Variants in MAGI2 observed in about 807,000 individuals in gnomAD.
The protein encoded by MAGI2 is membrane associated guanylate kinase, WW and PDZ domain containing 2.
In MAGI2, 35 loss-of-function variants were observed where a neutral mutation model predicts 133.3. The ratio of observed to expected loss-of-function variants is 0.26; its 90% confidence interval spans 0.20 to 0.35. The LOEUF (loss-of-function observed/expected upper bound fraction) is 0.35. MAGI2 is among the 10% of genes least tolerant of loss of function. The pLI, the probability that MAGI2 is intolerant of heterozygous loss-of-function variation, is 1.00. For missense variants in MAGI2, 1,636 were observed against 1,863.4 expected (o/e 0.88, Z 2.25); for synonymous variants, 729 against 710.6 (o/e 1.03, Z -0.41).
At chr7:79,173,726 A>G (rs1434734261) in intron 1 of MAGI2, among the ~76,000 whole-genome samples, 3 of 152,140 alleles carry the variant, frequency 2.0e-5, no homozygotes, top group African/African-American at 4.8e-5. Context: ...CTTAAAATTT[A>G]GAGTGATGAG....
At chr7:78,183,000 C>G (rs993031805) in intron 13 of MAGI2, among the ~76,000 whole-genome samples, 1 of 152,186 alleles carries the variant, frequency 6.6e-6, no homozygotes, top group African/African-American at 2.4e-5. Context: ...CCTTAAGGCA[C>G]TCTCTAGTCT....
chr7:78,983,884 A>C (rs932424394), intron 2 of MAGI2, among the ~76,000 whole-genome samples: 1 of 151,808 alleles, frequency 6.6e-6, no homozygotes, highest in Non-Finnish European at 1.5e-5. Context: ...CTGGTTTTAC[A>C]TATTACTCAA....
intron 2 of MAGI2, among the ~76,000 whole-genome samples, chr7:78,748,588 T>G (rs1214959248): frequency 6.6e-6 from 1 of 152,208 alleles, no homozygotes; most frequent in Non-Finnish European, 1.5e-5. Flanking sequence ...AATTATATTT[T>G]CCTTAATTAA....
intron 21 of MAGI2, among the ~76,000 whole-genome samples, chr7:78,070,162 T>TACACAC (rs1304325793): frequency 0.014 from 753 of 53,026 alleles, 4 homozygotes; most frequent in East Asian, 0.06. Flanking sequence ...CACATATATA[T>TACACAC]ACACACACAC....
chr7:78,287,409 G>A (rs999462201), intron 9 of MAGI2, among the ~76,000 whole-genome samples: 8 of 152,174 alleles, frequency 5.3e-5, no homozygotes, highest in African/African-American at 1.2e-4. Context: ...AAGGTGGAAC[G>A]TCTGATATGT....
chr7:78,088,292 T>C (rs548685939), intron 20 of MAGI2, among the ~76,000 whole-genome samples: 1 of 152,346 alleles, frequency 6.6e-6, no homozygotes, highest in African/African-American at 2.4e-5. Flanking sequence ...CTAACTGTCT[T>C]GCATATTGCA....
intron 21 of MAGI2, among the ~76,000 whole-genome samples, chr7:78,027,939 G>C (rs1297895844): frequency 6.6e-6 from 1 of 152,158 alleles, no homozygotes; most frequent in African/African-American, 2.4e-5. Flanking sequence ...GACAATACTG[G>C]TGTGGTTTTA....
At chr7:79,392,804 C>T (rs1844763130) in intron 1 of MAGI2, among the ~76,000 whole-genome samples, 1 of 152,224 alleles carries the variant, frequency 6.6e-6, no homozygotes, top group Non-Finnish European at 1.5e-5. Flanking sequence ...AAGGCACCTC[C>T]TTTTTCACTT....
intron 2 of MAGI2, among the ~76,000 whole-genome samples, chr7:78,707,288 A>G (rs1818751906): frequency 6.6e-6 from 1 of 152,180 alleles, no homozygotes; most frequent in Admixed American, 6.6e-5. Context: ...ATTATATACC[A>G]AATCACTGAG....
intron 1 of MAGI2, among the ~76,000 whole-genome samples, chr7:79,210,825 T>C (rs541920438): frequency 6.6e-6 from 1 of 152,210 alleles, no homozygotes; most frequent in African/African-American, 2.4e-5. Context: ...AAATAACAGA[T>C]ATATTATTCT....
At chr7:78,757,875 C>T (rs1427351726) in intron 2 of MAGI2, among the ~76,000 whole-genome samples, 1 of 152,158 alleles carries the variant, frequency 6.6e-6, no homozygotes, top group Non-Finnish European at 1.5e-5. Context: ...GCAGTTGACT[C>T]CCAAACGTGC....
chr7:78,384,303 G>A (rs1422616049), intron 6 of MAGI2, among the ~76,000 whole-genome samples: 1 of 152,086 alleles, frequency 6.6e-6, no homozygotes, highest in Non-Finnish European at 1.5e-5. Context: ...ACTGTGCTGG[G>A]CCCGAGGTTA....
intron 2 of MAGI2, among the ~76,000 whole-genome samples, chr7:78,694,706 C>T (rs2151131658): frequency 6.6e-6 from 1 of 152,274 alleles, no homozygotes; most frequent in Admixed American, 6.5e-5. Flanking sequence ...CCAGATTTGT[C>T]ATTTACTAAC....
At chr7:78,276,565 T>G (rs900992917) in intron 9 of MAGI2, among the ~76,000 whole-genome samples, 1 of 152,110 alleles carries the variant, frequency 6.6e-6, no homozygotes, top group Non-Finnish European at 1.5e-5. Flanking sequence ...TTATAGACTC[T>G]TTACTAATTT....
At chr7:78,421,752 C>G (rs541552385) in intron 6 of MAGI2, among the ~76,000 whole-genome samples, 1 of 152,038 alleles carries the variant, frequency 6.6e-6, no homozygotes, top group African/African-American at 2.4e-5. Flanking sequence ...TGCAGTGGGC[C>G]GTGATAGTGC....
chr7:78,990,350 C>A (rs1322441592), intron 2 of MAGI2, among the ~76,000 whole-genome samples: 1 of 151,998 alleles, frequency 6.6e-6, no homozygotes, highest in African/African-American at 2.4e-5. Context: ...TAGTTCAAAC[C>A]TTCTAATCAA....
chr7:78,539,470 GTTTT>G lies in MAGI2; in HGVS notation c.539-17829_539-17826del, dbSNP rs549081856. ...TGTTCATCAGGGATATTGGTCTGTA[GTTTT>G]TTTGTTTTTTTGTTTTTTTGTGCCC... On this transcript the variant is annotated intron_variant, in intron 3 of 21. Coordinates refer to ENST00000354212, the MANE Select transcript of MAGI2 (RefSeq NM_012301.4). Among the ~76,000 whole-genome samples, 362 of 135,346 alleles carry G rather than the reference GTTTT, an allele frequency of 2.7e-3. 14 individuals carry two copies. In the South Asian group the frequency reaches 0.083, roughly 31 times the overall value. The allele number at this position is 135,346 out of a possible 152,430, so 88.8% of individuals were successfully genotyped here.
intron 1 of MAGI2, among the ~76,000 whole-genome samples, chr7:79,300,612 G>C (rs994278935): frequency 2.0e-5 from 3 of 152,166 alleles, no homozygotes; most frequent in Admixed American, 6.5e-5. Flanking sequence ...GGGAAAATTT[G>C]CAGCCTGGTC....
intron 1 of MAGI2, among the ~76,000 whole-genome samples, chr7:79,200,852 AT>A (rs1828550408): frequency 3.3e-5 from 5 of 151,982 alleles, no homozygotes; most frequent in Admixed American, 3.3e-4. Flanking sequence ...TGAGAAATGT[AT>A]GTATTTTTCC....
Sources: gnomAD v4.1 joint callset for allele counts (sites outside exome capture counted in the v4.1 genomes callset) on GRCh38, gnomAD v4.1.1 for gene constraint, MANE v1.5 for transcripts, NCBI Gene and HGNC (gene_info 2026-07-23, HGNC 2026-07-21) for gene names.